The following ASXL2 variants were observed in gnomAD, a reference collection of about 807,000 sequenced individuals.
The protein encoded by ASXL2 is putative Polycomb group protein ASXL2.
In ASXL2, 23 loss-of-function variants were observed where a neutral mutation model predicts 122.0. That is an observed-to-expected ratio of 0.19 (90% CI 0.14 to 0.27). The LOEUF (loss-of-function observed/expected upper bound fraction) is 0.27. ASXL2 is among the 10% of genes least tolerant of loss of function. The probability of loss-of-function intolerance (pLI) is 1.00; values close to 1 mark genes in which losing one functional copy is unlikely to be tolerated. For missense variants in ASXL2, 1,518 were observed against 1,713.8 expected, an observed-to-expected ratio of 0.89 and a Z score of 2.02; for synonymous variants, 650 against 637.0, an observed-to-expected ratio of 1.02 and a Z score of -0.31.
At chr2:25,777,012 A>C (rs2088557046) in intron 5 of ASXL2, among the ~76,000 whole-genome samples, 1 of 152,220 alleles carries the variant, frequency 6.6e-6, no homozygotes, top group Non-Finnish European at 1.5e-5. Context: ...AGGACCCACC[A>C]GTATAAACAT....
intron 5 of ASXL2, among the ~76,000 whole-genome samples, chr2:25,780,562 T>A (rs570333173): frequency 2.5e-4 from 38 of 152,298 alleles, no homozygotes; most frequent in Admixed American, 1.1e-3. Flanking sequence ...ATCTACTGAA[T>A]CAGATACTCT....
intron 1 of ASXL2, among the ~76,000 whole-genome samples, chr2:25,864,798 A>G (rs1194552829): frequency 1.3e-5 from 2 of 152,096 alleles, no homozygotes; most frequent in African/African-American, 4.8e-5. Context: ...TTGCTCTTAC[A>G]CAATTACAAA....
chr2:25,854,378 T>C (rs1195006028), intron 1 of ASXL2, among the ~76,000 whole-genome samples: 1 of 152,264 alleles, frequency 6.6e-6, no homozygotes, highest in Non-Finnish European at 1.5e-5. Context: ...AGGTAGATAC[T>C]ATCAGCCCAT....
At chr2:25,775,840 T>C (rs1175164987) in intron 5 of ASXL2, among the ~76,000 whole-genome samples, 2 of 152,210 alleles carry the variant, frequency 1.3e-5, no homozygotes. Context: ...ATTTAAATAA[T>C]CTCATTTGTT....
Position 25,764,402 on chromosome 2 carries a change from TACACTA to T in ASXL2, c.775+3175_775+3180del, listed in dbSNP as rs375754659. On this transcript the variant is annotated intron_variant, in intron 8 of 12. Transcript: ENST00000435504. ...GAACTGTTGTGGGCCACACATAAAA[TACACTA>T]ACACTAACTAATGAGCTATAACAAA... Among the ~76,000 whole-genome samples, 361 of 152,218 alleles carry T rather than the reference TACACTA, an allele frequency of 2.4e-3. 2 individuals carry two copies. The highest frequency in any genetic ancestry group is 8.3e-3 in the African/African-American group (345 of 41,526).
intron 11 of ASXL2, 96 bp downstream of exon 11, chr2:25,753,438 G>T: frequency 1.3e-6 from 1 of 787,400 alleles, no homozygotes; most frequent in South Asian, 2.7e-5. Flanking sequence ...GAAGGAAACT[G>T]GGGCCTAGAT....
chr2:25,837,255 T>C (rs1285458387), intron 2 of ASXL2, among the ~76,000 whole-genome samples: 1 of 151,962 alleles, frequency 6.6e-6, no homozygotes, highest in Non-Finnish European at 1.5e-5. Flanking sequence ...TAGTAATGAG[T>C]AGTTACAGTA....
chr2:25,843,183 T>C (rs1309036570), intron 2 of ASXL2, among the ~76,000 whole-genome samples: 1 of 151,346 alleles, frequency 6.6e-6, no homozygotes, highest in African/African-American at 2.4e-5. Context: ...GTGCCTGTAG[T>C]CCCAGCTACT....
intron 1 of ASXL2, among the ~76,000 whole-genome samples, chr2:25,862,566 A>C (rs1051834718): frequency 6.6e-6 from 1 of 152,180 alleles, no homozygotes; most frequent in Non-Finnish European, 1.5e-5. Flanking sequence ...ACTACACAAC[A>C]GGTGTTAAGG....
At chr2:25,835,937 A>G (rs915771094) in intron 2 of ASXL2, among the ~76,000 whole-genome samples, 2 of 152,210 alleles carry the variant, frequency 1.3e-5, no homozygotes, top group Non-Finnish European at 2.9e-5. Flanking sequence ...CTTAAGGTTT[A>G]TTAGCTTCCC....
At chr2:25,853,782 T>G (rs1173952101) in intron 1 of ASXL2, among the ~76,000 whole-genome samples, 1 of 151,838 alleles carries the variant, frequency 6.6e-6, no homozygotes, top group Non-Finnish European at 1.5e-5. Context: ...TAGCTAGGAC[T>G]ACAAGTGTGA....
At chr2:25,759,399 C>A in intron 9 of ASXL2, 83 bp downstream of exon 9, 2 of 1,341,974 alleles carry the variant, frequency 1.5e-6, no homozygotes, top group Non-Finnish European at 2.0e-6. Context: ...AATATTCTTA[C>A]TTCTCACTTA....
intron 5 of ASXL2, among the ~76,000 whole-genome samples, chr2:25,793,047 G>T (rs2088859438): frequency 6.6e-6 from 1 of 151,900 alleles, no homozygotes. Context: ...GAGGCCAGGA[G>T]TTTGAGACCA....
At position 25,757,674 on chromosome 2, in the gene ASXL2, CAAAAAAAAAAAAAAA is replaced by C. The variant is rs60732948; in HGVS notation, c.940-1575_940-1561del. ...CAGGCGACAGAGGGAGACTCCATCT[CAAAAAAAAAAAAAAA>C]AAAAAAAAAAAAGAATACCCCCCAG... is the stretch of plus-strand genomic sequence containing the variant. On this transcript the variant is annotated intron_variant, in intron 9 of 12. Coordinates refer to ENST00000435504, the MANE Select transcript of ASXL2 (RefSeq NM_018263.6). Among the ~76,000 whole-genome samples the C allele has an allele frequency of 2.5e-3, 88 of 35,828 alleles. 2 individuals carry two copies. In the Middle Eastern group the frequency reaches 0.16, roughly 64 times the overall value. 23.5% of individuals were successfully genotyped at this position (35,828 alleles called of 152,430 possible).
chr2:25,834,907 C>T (rs139975842), intron 3 of ASXL2, among the ~76,000 whole-genome samples: 1 of 152,092 alleles, frequency 6.6e-6, no homozygotes, highest in Admixed American at 6.5e-5. Context: ...ACTGCAACCT[C>T]CACCTTGTGG....
intron 9 of ASXL2, among the ~76,000 whole-genome samples, chr2:25,758,093 T>C (rs1015293262): frequency 3.3e-5 from 5 of 152,214 alleles, no homozygotes; most frequent in Non-Finnish European, 7.3e-5. Flanking sequence ...TTTACTTCTT[T>C]GTCCCCACTG....
Position 25,744,632 on chromosome 2 carries a change from C to G in ASXL2, c.1861-156G>C, listed in dbSNP as rs10205857. 0.017 allele frequency among the ~76,000 whole-genome samples: 2,620 copies of G among 152,292 alleles called. 76 individuals carry two copies. Among genetic ancestry groups the G allele is most frequent in the African/African-American group, 0.057 (2,355 of 41,548 alleles). ...TGGCCGAGAGGCCAAACCTTGGAGA[C>G]AGCAATACTAGTTTGTCTCTAGGGT... On this transcript the variant is annotated intron_variant, in intron 12 of 12. Coordinates refer to ENST00000435504, the MANE Select transcript of ASXL2 (RefSeq NM_018263.6). This position sits in a 1 kb window ranked among gnomAD's most constrained non-coding sequence, Gnocchi z 4.7.
chr2:25,878,260 G>C lies in ASXL2; in HGVS notation c.-38C>G. 1 of 1,610,314 alleles carries C rather than the reference G, an allele frequency of 6.2e-7. No homozygotes were observed. ...ACTGACTGGGAGGCTCCCGTGTCCG[G>C]GCTCCGGCCGCCCTCCCTGCCTGCT... On this transcript the variant is annotated 5_prime_UTR_variant, in exon 1 of 13. Coordinates refer to ENST00000435504, the MANE Select transcript of ASXL2 (RefSeq NM_018263.6).
intron 5 of ASXL2, among the ~76,000 whole-genome samples, chr2:25,784,670 T>C (rs2088708640): frequency 6.6e-6 from 1 of 152,238 alleles, no homozygotes; most frequent in Non-Finnish European, 1.5e-5. Flanking sequence ...TTCCTTGGGT[T>C]ATAGCAGCAT....
Sources: gnomAD v4.1 joint callset for allele counts (sites outside exome capture counted in the v4.1 genomes callset) on GRCh38, gnomAD v4.1.1 for gene constraint, Gnocchi (gnomAD v3.1) non-coding constraint, MANE v1.5 for transcripts, NCBI Gene and HGNC (gene_info 2026-07-23, HGNC 2026-07-21) for gene names.